The following ITPKC variants were observed in gnomAD, a reference collection of about 807,000 sequenced individuals.
ITPKC encodes IP3 3-kinase C.
Under a neutral mutation model 67.1 loss-of-function variants are expected in ITPKC, and 33 were observed. That is an observed-to-expected ratio of 0.49 (90% CI 0.37 to 0.66). The LOEUF is 0.66. Among genes scored for constraint, ITPKC ranks in the 30% least tolerant of loss-of-function variants. ITPKC has a pLI of 0.00. For synonymous variants in ITPKC, 341 were observed against 359.8 expected (o/e 0.95, Z 0.59); for missense variants, 820 against 892.1 (o/e 0.92, Z 1.03).
rs753218881 is a variant in ITPKC at position 40,737,076 on chromosome 19, C to T, written c.1765C>T (p.His589Tyr). Reference protein sequence around the residue: ...KVLEDFVDGDHVILQKYVACL... With the variant: ...KVLEDFVDGDYVILQKYVACL... ...GCTGGAGGACTTCGTGGATGGAGAC[C>T]ACGTCATCCTGGTGAGTGGGACACC... Residue 589 changes from histidine to tyrosine, a missense_variant, in exon 5 of 7, where the codon CAC becomes TAC. Around this residue, in one of 2 missense-constraint regions of ITPKC, gnomAD observed 339 missense variants for 422.0 expected, o/e 0.80. Transcript: ENST00000263370. The T allele has an allele frequency of 1.9e-6, 3 of 1,571,714 alleles. No homozygotes were observed. Among genetic ancestry groups the T allele is most frequent in the Non-Finnish European group, 1.7e-6 (2 of 1,154,316 alleles).
At chr19:40,722,333 G>A (rs766188506) in intron 1 of ITPKC, among the ~76,000 whole-genome samples, 4 of 152,180 alleles carry the variant, frequency 2.6e-5, no homozygotes, top group Non-Finnish European at 4.4e-5. Context: ...AAATTAAGTA[G>A]GTTGTGGCAC....
In ITPKC at chr19:40,718,254, G is replaced by C; in HGVS notation, c.1119G>C (p.Gly373=). The C allele has an allele frequency of 1.3e-6, 2 of 1,521,016 alleles. No individual in the cohort carries two copies. The highest frequency in any genetic ancestry group is 1.8e-6 in the Non-Finnish European group (2 of 1,139,848). The allele number at this position is 1,521,016 out of a possible 1,614,324, so 94.2% of individuals were successfully genotyped here. ...AGTCTGAGGATGACGTGGTGGCCGG[G>C]GGCGGAGGTGCCAGCGATCCCGAGG... The part of the protein sequence containing the change: ...FDESEDDVVA[G]GGGASDPEDR... Residue 373 remains glycine (G), a synonymous_variant, in exon 1 of 7, where the codon GGG becomes GGC. Coordinates refer to ENST00000263370, the MANE Select transcript of ITPKC (RefSeq NM_025194.3).
At chr19:40,724,118 C>G (rs533394046) in intron 1 of ITPKC, among the ~76,000 whole-genome samples, 1 of 152,210 alleles carries the variant, frequency 6.6e-6, no homozygotes, top group East Asian at 1.9e-4. Flanking sequence ...GTTAATTGGC[C>G]AAAGCAAGGC....
rs549421638 is a variant in ITPKC, at chr19:40,718,793, G to A, written c.1155+503G>A. Reference sequence around the variant, plus strand: ...GCCTATTTGTATGTACATTTTTCTAGGGAGCAAAGCGATTCCCCCAGCTTG... The same window carrying A: ...GCCTATTTGTATGTACATTTTTCTAAGGAGCAAAGCGATTCCCCCAGCTTG... On this transcript the variant is annotated intron_variant, in intron 1 of 6. Coordinates refer to ENST00000263370, the MANE Select transcript of ITPKC (RefSeq NM_025194.3). Among the ~76,000 whole-genome samples, 3 of 152,210 alleles carry A rather than the reference G, an allele frequency of 2.0e-5. No individual in the cohort carries two copies. In the South Asian group the frequency reaches 6.2e-4, roughly 32 times the overall value.
At position 40,718,000 on chromosome 19, in the gene ITPKC, C is replaced by G. The variant is rs375843734; in HGVS notation, c.865C>G (p.Pro289Ala). Residue 289 changes from proline (P) to alanine (A), a missense_variant, in exon 1 of 7, where the codon CCT becomes GCT. Around this residue, in one of 2 missense-constraint regions of ITPKC, gnomAD observed 481 missense variants for 470.1 expected, o/e 1.02. Transcript: ENST00000263370. Reference sequence around the variant, plus strand: ...TAGCACTGACGGTTCCCAGACAGCACCTGGGACAGACTGCCTCTTGGGAGA... The same window carrying G: ...TAGCACTGACGGTTCCCAGACAGCAGCTGGGACAGACTGCCTCTTGGGAGA... ...QPSTDGSQTAPGTDCLLGEPE... is the reference protein window; with the variant it reads ...QPSTDGSQTAAGTDCLLGEPE... 6.2e-7 allele frequency: 1 copy of G among 1,614,152 alleles called. No homozygotes were observed.
In ITPKC at chr19:40,739,950, C is replaced by T. The variant is rs1486818671; in HGVS notation, c.*390C>T. 2 of 194,288 alleles carry T rather than the reference C, an allele frequency of 1.0e-5. No homozygotes were observed. The highest frequency in any genetic ancestry group is 2.1e-5 in the Non-Finnish European group (2 of 94,208). 12.0% of individuals were successfully genotyped at this position (194,288 alleles called of 1,614,324 possible). Reference sequence around the variant, plus strand: ...CACTTCTAACCTGCCTCCCTGTCAGCCTCCAGGCTGCCAGCTGGCTGAGGC... The same window carrying T: ...CACTTCTAACCTGCCTCCCTGTCAGTCTCCAGGCTGCCAGCTGGCTGAGGC... On this transcript the variant is annotated 3_prime_UTR_variant, in exon 7 of 7. Transcript: ENST00000263370.
At position 40,739,297 on chromosome 19, in the gene ITPKC, C is replaced by T. The variant is rs570357082; in HGVS notation, c.1849-60C>T. 2.7e-4 allele frequency: 347 copies of T among 1,300,564 alleles called. No individual in the cohort carries two copies. The African/African-American group carries it at 4.6e-3, about 17-fold the overall frequency. The allele number at this position is 1,300,564 out of a possible 1,614,324, so 80.6% of individuals were successfully genotyped here. A position where few individuals can be genotyped will look rare whatever the true frequency, so the allele number is the denominator to read the frequency against. On this transcript the variant is annotated intron_variant, in intron 6 of 6. Coordinates refer to ENST00000263370, the MANE Select transcript of ITPKC (RefSeq NM_025194.3). ...TCAATCACCCTGCTCTGCTGCCTGT[C>T]AGGAAGGGACCTTGGCCAGTGCCTG...
At chr19:40,732,051 A>G (rs897040619) in intron 3 of ITPKC, among the ~76,000 whole-genome samples, 2 of 151,970 alleles carry the variant, frequency 1.3e-5, no homozygotes, top group Non-Finnish European at 2.9e-5. Context: ...CCTGGGCAAC[A>G]TGGTGAAACT....
In ITPKC at chr19:40,732,380, A is replaced by T. The variant is rs183636218; in HGVS notation, c.1470-780A>T. Among the ~76,000 whole-genome samples, 342 of 151,336 alleles carry T rather than the reference A, an allele frequency of 2.3e-3. 6 individuals are homozygous for T. The highest frequency in any genetic ancestry group is 0.019 in the Admixed American group (288 of 15,096). ...CCCATCTCTACTAAAAATACAAAAA[A>T]TTATCCGGGTGTGGTGGCGGGCACC... is the stretch of plus-strand genomic sequence containing the variant. On this transcript the variant is annotated intron_variant, in intron 3 of 6. Coordinates refer to ENST00000263370, the MANE Select transcript of ITPKC (RefSeq NM_025194.3).
At chr19:40,729,120 G>A in intron 2 of ITPKC, 82 bp from the exon 3 acceptor site, 2 of 1,076,638 alleles carry the variant, frequency 1.9e-6, no homozygotes, top group East Asian at 4.8e-5. Context: ...TGGTGGCCAG[G>A]ATCTGATGCA....
At chr19:40,732,052 T>C (rs748466982) in intron 3 of ITPKC, among the ~76,000 whole-genome samples, 5 of 151,428 alleles carry the variant, frequency 3.3e-5, no homozygotes, top group Non-Finnish European at 5.9e-5. Flanking sequence ...CTGGGCAACA[T>C]GGTGAAACTC....
chr19:40,729,084 C>T, intron 2 of ITPKC, 118 bp from the exon 3 acceptor site: 1 of 715,938 alleles, frequency 1.4e-6, no homozygotes, highest in South Asian at 1.7e-5. Flanking sequence ...GGAGAGAAAG[C>T]ATTGCAGGAG....
At chr19:40,737,990 T>TG (rs1169886420) in intron 6 of ITPKC, among the ~76,000 whole-genome samples, 1 of 120,542 alleles carries the variant, frequency 8.3e-6, no homozygotes, top group Non-Finnish European at 1.8e-5. Flanking sequence ...CGTCTCTATT[T>TG]GGAAAAAAAA....
chr19:40,736,872 C>T (rs2082296747), intron 4 of ITPKC, 114 bp from the exon 5 acceptor site: 1 of 624,968 alleles, frequency 1.6e-6, no homozygotes, highest in South Asian at 1.7e-5. Flanking sequence ...GCTGTGTTGC[C>T]CAGGCTGGTC....
chr19:40,726,867 C>T (rs1568449312), intron 2 of ITPKC, among the ~76,000 whole-genome samples: 1 of 151,888 alleles, frequency 6.6e-6, no homozygotes, highest in Non-Finnish European at 1.5e-5. Flanking sequence ...CATAGTGAGA[C>T]CTTGTCTCTA....
Position 40,717,370 on chromosome 19 carries a change from G to T in ITPKC, c.235G>T (p.Ala79Ser). The T allele has an allele frequency of 6.2e-7, 1 of 1,612,680 alleles. No individual in the cohort carries two copies. The highest frequency in any genetic ancestry group is 1.3e-5 in the African/African-American group (1 of 75,048). The change falls in exon 1 of 7, where the codon GCG (alanine) becomes TCG (serine). Residue 79 changes from alanine (A) to serine (S), a missense_variant. By Grantham distance (99) the Ala-to-Ser change is moderately conservative (BLOSUM62 1). This residue lies in a region of ITPKC where 481 missense variants were observed against 470.1 expected (regional missense o/e 1.02). Transcript: ENST00000263370. ...GCCTGAGAGGGCCGGCCTCGGGCCT[G>T]CGCCGGGGACAGAGAGTCCGCAGGC... ...SEPERAGLGP[A>S]PGTESPQAEF...
intron 3 of ITPKC, among the ~76,000 whole-genome samples, chr19:40,730,073 A>G (rs1253538942): frequency 6.6e-6 from 1 of 152,106 alleles, no homozygotes; most frequent in African/African-American, 2.4e-5. Flanking sequence ...AGTAGCTAGG[A>G]TTACAAGCGC....
In ITPKC at chr19:40,722,693, T is replaced by C. The variant is rs561620726; in HGVS notation, c.1156-2647T>C. Among the ~76,000 whole-genome samples the C allele has an allele frequency of 3.3e-5, 5 of 152,320 alleles. No homozygotes were observed. In the South Asian group the frequency reaches 1.0e-3, roughly 32 times the overall value. On this transcript the variant is annotated intron_variant, in intron 1 of 6. Transcript: ENST00000263370. ...GTGTATGTGTTCATGAATCAGACAC[T>C]AACCCTGTCTCAAAAAGCTCATAGT...
At chr19:40,721,739 C>T (rs1265174838) in intron 1 of ITPKC, among the ~76,000 whole-genome samples, 1 of 151,898 alleles carries the variant, frequency 6.6e-6, no homozygotes, top group Non-Finnish European at 1.5e-5. Context: ...GTGGCTTATG[C>T]CTATAATCCC....
Sources: gnomAD v4.1 joint callset for allele counts (sites outside exome capture counted in the v4.1 genomes callset) on GRCh38, gnomAD v4.1.1 for gene constraint, gnomAD v4.1.1 regional missense constraint, MANE v1.5 for transcripts, NCBI Gene and HGNC (gene_info 2026-07-23, HGNC 2026-07-21) for gene names.